The following BRD4 variants were observed in gnomAD, a reference collection of about 807,000 sequenced individuals.
BRD4 encodes the protein bromodomain containing 4.
BRD4 carries 16 observed loss-of-function variants against 142.1 expected under a neutral mutation model. The observed-to-expected ratio is 0.11, with a 90% CI of 0.08 to 0.17. The LOEUF (loss-of-function observed/expected upper bound fraction) is 0.17. BRD4 is among the 10% of genes least tolerant of loss of function. The pLI, the probability that BRD4 is intolerant of heterozygous loss-of-function variation, is 1.00. For synonymous variants in BRD4, 833 were observed against 707.5 expected (o/e 1.18, Z -2.82); for missense variants, 1,424 against 1,810.9 (o/e 0.79, Z 3.88).
rs117979432 is a variant in BRD4, at chr19:15,319,518, G to A, written c.-35+12772C>T. On this transcript the variant is annotated intron_variant, in intron 1 of 19. Transcript: ENST00000679869. ...AGTTGCAGCTACTCAGCAGGCTGAG[G>A]TGGGAGGATCACTTAAACCTGGGAG... is the stretch of plus-strand genomic sequence containing the variant. Among the ~76,000 whole-genome samples the A allele has an allele frequency of 6.6e-5, 10 of 152,258 alleles. No homozygotes were observed. The East Asian group carries it at 1.7e-3, about 26-fold the overall frequency.
chr19:15,249,430 T>A (rs1322016654), intron 11 of BRD4: 1 of 1,468,474 alleles, frequency 6.8e-7, no homozygotes, highest in South Asian at 1.2e-5. Context: ...CACTGGAGAC[T>A]GGAGCCCTGC....
chr19:15,239,476 G>T lies in BRD4; in HGVS notation c.3492C>A (p.Pro1164=). The T allele has an allele frequency of 6.2e-7, 1 of 1,614,122 alleles. No individual in the cohort carries two copies. The highest frequency in any genetic ancestry group is 8.5e-7 in the Non-Finnish European group (1 of 1,180,024). ...CTGGTGGCGGTGCGTTCTGCTCTGG[G>T]GGCCGGATCACAGGCCTCCCGACAT... ...PVDVGRPVIR[P]PEQNAPPPGA... is the part of the protein sequence containing the mutation. Residue 1164 remains proline (P), a synonymous_variant, in exon 17 of 20, where the codon CCC becomes CCA. Coordinates refer to ENST00000679869, the MANE Select transcript of BRD4 (RefSeq NM_001379291.1). This position sits in a 1 kb window ranked among gnomAD's most constrained non-coding sequence, Gnocchi z 7.4.
At chr19:15,280,189 GTGGCC>G in intron 1 of BRD4, 1 of 934,266 alleles carries the variant, frequency 1.1e-6, no homozygotes, top group African/African-American at 1.8e-5. Flanking sequence ...AGAGTGGATG[GTGGCC>G]TGGTTGGCTG....
rs1679980448 is a variant in BRD4, at chr19:15,277,804, A to T, written c.-34-4671T>A. On this transcript the variant is annotated intron_variant, in intron 1 of 19. Transcript: ENST00000679869. ...GACTCCGTCTCCAAAACAAAACAAA[A>T]CAAAACAAAAAGCAAAGGTCATATA... 1.3e-5 allele frequency among the ~76,000 whole-genome samples: 2 copies of T among 149,920 alleles called. 1 individual carries two copies.
chr19:15,263,399 C>T (rs1302697316), intron 7 of BRD4, 21 bp downstream of exon 7: 2 of 1,610,484 alleles, frequency 1.2e-6, no homozygotes, highest in Non-Finnish European at 1.7e-6. Flanking sequence ...CTGAGGGTGG[C>T]TGCGCCCTCC....
Position 15,265,450 on chromosome 19 carries a change from CG to C in BRD4, c.752del (p.Pro251ArgfsTer32). 1 of 1,547,816 alleles carries C rather than the reference CG, an allele frequency of 6.5e-7. No homozygotes were observed. Among genetic ancestry groups the C allele is most frequent in the African/African-American group, 1.4e-5 (1 of 70,288 alleles). ...GGGGTTGTGGCTGGGGGGGCACTGG[CG>C]GGGGCGTCTGCAGTGGCTGGGGAGG... ...VVPPQPLQTPPPVPPQPQPPP... is the reference protein window; with the variant it reads ...VVPPQPLQTPXPVPPQPQPPP... On this transcript the variant is annotated frameshift_variant, in exon 5 of 20. Transcript: ENST00000679869. LOFTEE classifies it high-confidence loss of function.
At chr19:15,330,731 C>G (rs1457187032) in intron 1 of BRD4, among the ~76,000 whole-genome samples, 1 of 152,160 alleles carries the variant, frequency 6.6e-6, no homozygotes, top group Non-Finnish European at 1.5e-5. Flanking sequence ...CGCGCCACTG[C>G]ACTACAGCCT....
chr19:15,316,176 A>AC (rs1439509585), intron 1 of BRD4, among the ~76,000 whole-genome samples: 1 of 150,914 alleles, frequency 6.6e-6, no homozygotes, highest in Non-Finnish European at 1.5e-5. Flanking sequence ...AAAAAAAAAA[A>AC]AAAAGACTGA....
chr19:15,242,113 C>T (rs905065138), intron 14 of BRD4, among the ~76,000 whole-genome samples: 1 of 152,172 alleles, frequency 6.6e-6, no homozygotes, highest in Non-Finnish European at 1.5e-5. Flanking sequence ...CGCGCCCGGC[C>T]TGCATCCAGC....
At chr19:15,297,396 A>T (rs182389922) in intron 1 of BRD4, among the ~76,000 whole-genome samples, 2 of 152,272 alleles carry the variant, frequency 1.3e-5, no homozygotes, top group Non-Finnish European at 2.9e-5. Flanking sequence ...ACCTTCCTGA[A>T]TAAACAACGT....
intron 1 of BRD4, chr19:15,275,792 A>T (rs2047640151): frequency 6.6e-6 from 1 of 152,118 alleles, no homozygotes; most frequent in African/African-American, 2.4e-5. Context: ...GGGTCACTTG[A>T]GGTCAGGAAT....
chr19:15,293,790 C>T (rs962505574), intron 1 of BRD4, among the ~76,000 whole-genome samples: 4 of 152,210 alleles, frequency 2.6e-5, no homozygotes, highest in African/African-American at 9.6e-5. Flanking sequence ...CAAAAAGAAA[C>T]TCTACCCACT....
At chr19:15,269,200 G>C (rs1415395513) in intron 2 of BRD4, among the ~76,000 whole-genome samples, 158 bp from the exon 3 acceptor site, 1 of 152,198 alleles carries the variant, frequency 6.6e-6, no homozygotes, top group Non-Finnish European at 1.5e-5. Flanking sequence ...GATCTTGAGG[G>C]GGAACACCAA....
chr19:15,306,342 C>T (rs1599509751), intron 1 of BRD4, among the ~76,000 whole-genome samples: 1 of 152,170 alleles, frequency 6.6e-6, no homozygotes, highest in South Asian at 2.1e-4. Context: ...GATCACAGCT[C>T]GCTGCAGCCT....
chr19:15,259,806 A>G (rs1475007198), intron 7 of BRD4, among the ~76,000 whole-genome samples: 2 of 152,256 alleles, frequency 1.3e-5, no homozygotes, highest in Admixed American at 1.3e-4. Flanking sequence ...GGAAACAGAA[A>G]GGTGAATGAA....
chr19:15,313,116 A>G (rs545283840), intron 1 of BRD4, among the ~76,000 whole-genome samples: 9 of 152,158 alleles, frequency 5.9e-5, no homozygotes, highest in East Asian at 1.9e-4. Flanking sequence ...TCACGCCCGT[A>G]ATCCCACCAC....
chr19:15,282,404 A>T (rs1483593907), intron 1 of BRD4, among the ~76,000 whole-genome samples: 3 of 152,242 alleles, frequency 2.0e-5, no homozygotes, highest in African/African-American at 7.2e-5. Context: ...ATGAAGCCAG[A>T]GGTGGTGGCA....
At chr19:15,253,907 TC>T in intron 11 of BRD4, 1 of 863,954 alleles carries the variant, frequency 1.2e-6, no homozygotes, top group Non-Finnish European at 1.8e-6. Context: ...CCATTCATCC[TC>T]CATGACCAGA....
chr19:15,240,088 C>T (rs1169687098), intron 14 of BRD4, 66 bp from the exon 15 acceptor site: 14 of 1,536,478 alleles, frequency 9.1e-6, no homozygotes, highest in Admixed American at 4.1e-5. Context: ...AGAGAATTGT[C>T]GGGAAGGAAA....
Sources: gnomAD v4.1 joint callset for allele counts (sites outside exome capture counted in the v4.1 genomes callset) on GRCh38, gnomAD v4.1.1 for gene constraint, Gnocchi (gnomAD v3.1) non-coding constraint, MANE v1.5 for transcripts, NCBI Gene and HGNC (gene_info 2026-07-23, HGNC 2026-07-21) for gene names.